Variants in NELL1 observed in about 807,000 individuals in gnomAD.
NELL1 encodes the protein protein kinase C-binding protein NELL1.
NELL1 carries 76 observed loss-of-function variants against 107.4 expected under a neutral mutation model. The ratio of observed to expected loss-of-function variants is 0.71; its 90% confidence interval spans 0.59 to 0.86. NELL1 has a LOEUF of 0.86. Ranked by LOEUF, NELL1 falls within the 40% of genes least tolerant of loss-of-function variation. The pLI, the probability that NELL1 is intolerant of heterozygous loss-of-function variation, is 0.00. For synonymous variants in NELL1, 353 were observed against 341.2 expected (o/e 1.03, Z -0.38); for missense variants, 1,024 against 1,005.5 (o/e 1.02, Z -0.25).
At chr11:21,075,511 G>A (rs928945715) in intron 12 of NELL1, among the ~76,000 whole-genome samples, 7 of 152,104 alleles carry the variant, frequency 4.6e-5, no homozygotes, top group African/African-American at 7.2e-5. Context: ...TGTCACCCAG[G>A]CTGGAGTGCA....
At chr11:20,898,151 C>T (rs1849791084) in intron 5 of NELL1, among the ~76,000 whole-genome samples, 1 of 152,134 alleles carries the variant, frequency 6.6e-6, no homozygotes, top group Non-Finnish European at 1.5e-5. Context: ...TTCACAATAG[C>T]AAAGACTTGG....
intron 13 of NELL1, among the ~76,000 whole-genome samples, chr11:21,219,652 T>C (rs1590744852): frequency 6.6e-6 from 1 of 152,188 alleles, no homozygotes; most frequent in Non-Finnish European, 1.5e-5. Context: ...TTGATTTTTG[T>C]ATATAGTGAG....
chr11:20,753,218 G>C (rs1174581859), intron 2 of NELL1, among the ~76,000 whole-genome samples: 4 of 152,218 alleles, frequency 2.6e-5, no homozygotes, highest in Non-Finnish European at 4.4e-5. Flanking sequence ...AAATCAAGGA[G>C]AGTGAGGGAT....
chr11:21,189,703 A>AT (rs1857010200), intron 13 of NELL1, among the ~76,000 whole-genome samples: 2 of 144,502 alleles, frequency 1.4e-5, no homozygotes, highest in African/African-American at 2.6e-5. Context: ...TTTTTATTTA[A>AT]TGTACTCTGG....
chr11:20,677,358 T>C (rs1019209119), intron 1 of NELL1, among the ~76,000 whole-genome samples: 1 of 152,138 alleles, frequency 6.6e-6, no homozygotes, highest in Admixed American at 6.5e-5. Context: ...CTGAGGCAGG[T>C]GGATCAGGGC....
intron 14 of NELL1, among the ~76,000 whole-genome samples, chr11:21,303,917 C>T (rs958155721): frequency 2.6e-5 from 4 of 151,942 alleles, no homozygotes; most frequent in Non-Finnish European, 4.4e-5. Flanking sequence ...ATAATCACTG[C>T]GTCCTCACAT....
chr11:21,166,189 C>T (rs748975149), intron 13 of NELL1, among the ~76,000 whole-genome samples: 1 of 151,252 alleles, frequency 6.6e-6, no homozygotes, highest in Non-Finnish European at 1.5e-5. Context: ...CAAGTGAACC[C>T]ATGAAGATAG....
intron 2 of NELL1, among the ~76,000 whole-genome samples, chr11:20,721,907 G>A (rs4922987): frequency 0.71 from 107,512 of 151,868 alleles, 41,197 homozygotes; most frequent in East Asian, 0.95. Flanking sequence ...TCTTGGCAGA[G>A]GGGGAGGGCG....
At chr11:21,017,494 A>G (rs1852594874) in intron 12 of NELL1, among the ~76,000 whole-genome samples, 1 of 152,054 alleles carries the variant, frequency 6.6e-6, no homozygotes, top group South Asian at 2.1e-4. Flanking sequence ...TATACCTGTA[A>G]TACATGGAGT....
intron 12 of NELL1, among the ~76,000 whole-genome samples, chr11:21,063,779 A>G (rs1386518603): frequency 1.3e-5 from 2 of 152,222 alleles, no homozygotes; most frequent in African/African-American, 2.4e-5. Flanking sequence ...TGAATATCAA[A>G]CATTCCTGTT....
At chr11:21,550,867 A>G (rs1409611576) in intron 16 of NELL1, among the ~76,000 whole-genome samples, 2 of 151,446 alleles carry the variant, frequency 1.3e-5, no homozygotes, top group Non-Finnish European at 3.0e-5. Context: ...GTTTTTTCCA[A>G]TTCTGTGAAG....
intron 13 of NELL1, among the ~76,000 whole-genome samples, chr11:21,170,750 T>C (rs994475344): frequency 8.0e-5 from 12 of 150,550 alleles, no homozygotes; most frequent in African/African-American, 2.9e-4. Context: ...ATATGTACAA[T>C]TGTTTTTATA....
chr11:21,556,440 T>G (rs1856711140), intron 16 of NELL1, among the ~76,000 whole-genome samples: 2 of 152,174 alleles, frequency 1.3e-5, no homozygotes, highest in South Asian at 4.1e-4. Flanking sequence ...TATTAGCTCC[T>G]GAGGCAAGTA....
intron 12 of NELL1, among the ~76,000 whole-genome samples, chr11:21,067,136 A>G (rs1853894511): frequency 6.6e-6 from 1 of 152,098 alleles, no homozygotes; most frequent in African/African-American, 2.4e-5. Flanking sequence ...AATTAGCTTC[A>G]TGAAAGTATA....
chr11:20,859,047 C>T (rs528056695), intron 4 of NELL1, among the ~76,000 whole-genome samples: 29 of 152,326 alleles, frequency 1.9e-4, no homozygotes, highest in Non-Finnish European at 4.0e-4. Flanking sequence ...CCTGTGCCTG[C>T]TTCGTCATTT....
At chr11:21,116,559 C>T (rs1855240276) in intron 13 of NELL1, among the ~76,000 whole-genome samples, 1 of 151,880 alleles carries the variant, frequency 6.6e-6, no homozygotes, top group Admixed American at 6.6e-5. Context: ...GATTTCTTTC[C>T]ACTTCTACAA....
chr11:20,783,600 T>G, intron 2 of NELL1, 80 bp from the exon 3 acceptor site: 4 of 975,392 alleles, frequency 4.1e-6, no homozygotes, highest in Non-Finnish European at 4.5e-6. Flanking sequence ...CCTCTCCTCT[T>G]TCTCCTATAT....
chr11:21,386,842 C>A (rs756636159), intron 15 of NELL1, among the ~76,000 whole-genome samples: 9 of 151,840 alleles, frequency 5.9e-5, no homozygotes, highest in South Asian at 2.1e-4. Context: ...ACCAATACTT[C>A]CCTAGTCTCT....
At chr11:20,724,744 A>G (rs1855470534) in intron 2 of NELL1, among the ~76,000 whole-genome samples, 1 of 152,048 alleles carries the variant, frequency 6.6e-6, no homozygotes, top group South Asian at 2.1e-4. Flanking sequence ...TCTTCCCATT[A>G]CCCAGTTCCA....
Sources: gnomAD v4.1 joint callset for allele counts (sites outside exome capture counted in the v4.1 genomes callset) on GRCh38, gnomAD v4.1.1 for gene constraint, MANE v1.5 for transcripts, NCBI Gene and HGNC (gene_info 2026-07-23, HGNC 2026-07-21) for gene names.